SLC9B2: variants seen among roughly 807,000 people sequenced by gnomAD.
The protein encoded by SLC9B2 is solute carrier family 9 member B2.
Under a neutral mutation model 52.2 loss-of-function variants are expected in SLC9B2, and 39 were observed. That is an observed-to-expected ratio of 0.75 (90% CI 0.58 to 0.98). The LOEUF is 0.98. Ranked by LOEUF, SLC9B2 falls within the 50% of genes least tolerant of loss-of-function variation. The pLI is 0.00. For missense variants in SLC9B2, 626 were observed against 637.5 expected, an observed-to-expected ratio of 0.98 and a Z score of 0.19; for synonymous variants, 214 against 227.0, an observed-to-expected ratio of 0.94 and a Z score of 0.51.
At chr4:103,042,249 A>C (rs1287691554) in intron 9 of SLC9B2, 1 of 152,126 alleles carries the variant, frequency 6.6e-6, no homozygotes, top group Non-Finnish European at 1.5e-5. Flanking sequence ...TTAATTATTT[A>C]AGTTTAATTA....
chr4:103,073,629 G>A lies in SLC9B2; in HGVS notation c.-43+2555C>T, dbSNP rs116227167. On this transcript the variant is annotated intron_variant, in intron 1 of 11. Transcript: ENST00000394785. ...AAGGAAAACAACCGCTATTTTATTT[G>A]GTTAATTGATTTAGTAATTTCATTG... Among the ~76,000 whole-genome samples, 45 of 152,166 alleles carry A rather than the reference G, an allele frequency of 3.0e-4. No homozygotes were observed. In the South Asian group the frequency reaches 9.3e-3, roughly 32 times the overall value.
downstream of SLC9B2, chr4:103,020,430 A>T (rs1560536324): frequency 2.4e-6 from 1 of 408,584 alleles, no homozygotes; most frequent in Admixed American, 3.4e-5. Context: ...GAAAGTGTAA[A>T]CTTCTTAGAA....
chr4:103,029,591 C>A (rs887582734), intron 10 of SLC9B2, among the ~76,000 whole-genome samples: 4 of 152,116 alleles, frequency 2.6e-5, no homozygotes, highest in Non-Finnish European at 5.9e-5. Context: ...ACATACACAG[C>A]TACTCCATTT....
In SLC9B2 at chr4:103,067,572, C is replaced by T. The variant is rs376700912; in HGVS notation, c.-22G>A. The stretch of plus-strand genomic sequence containing the variant: ...CCATTATTTATAATTAAGAAGATGA[C>T]ACAGGGAAGAGGAACGAGATCTGTT... On this transcript the variant is annotated 5_prime_UTR_variant, in exon 2 of 12. Transcript: ENST00000394785. 7.5e-5 allele frequency: 116 copies of T among 1,548,710 alleles called. No homozygotes were observed. The highest frequency in any genetic ancestry group is 9.6e-5 in the Non-Finnish European group (108 of 1,121,736).
chr4:103,049,092 C>G (rs944354009), intron 5 of SLC9B2, 72 bp from the exon 6 acceptor site: 1 of 1,558,180 alleles, frequency 6.4e-7, no homozygotes, highest in Non-Finnish European at 8.7e-7. Context: ...TGAATGCTTT[C>G]TCTTCAGTAT....
chr4:103,074,745 C>T (rs2110679461), intron 1 of SLC9B2, among the ~76,000 whole-genome samples: 1 of 152,226 alleles, frequency 6.6e-6, no homozygotes, highest in South Asian at 2.1e-4. Context: ...TGGTTGTTTT[C>T]CAAATTTCCA....
Position 103,036,953 on chromosome 4 carries a change from G to A in SLC9B2, c.1147-5145C>T, listed in dbSNP as rs187867854. 3.3e-5 allele frequency among the ~76,000 whole-genome samples: 5 copies of A among 151,904 alleles called. No homozygotes were observed. In the East Asian group the frequency reaches 9.7e-4, roughly 29 times the overall value. On this transcript the variant is annotated intron_variant, in intron 9 of 11. Transcript: ENST00000394785. ...AAATAATGTCGTTTCTTTCAATGTT[G>A]TTTCCTTCCAACAATGAAAAAAAAA...
intron 4 of SLC9B2, among the ~76,000 whole-genome samples, chr4:103,052,711 G>C (rs1331415011): frequency 6.6e-6 from 1 of 151,624 alleles, no homozygotes; most frequent in African/African-American, 2.4e-5. Context: ...GGATATGAGG[G>C]GACATTTTTT....
chr4:103,068,835 T>C (rs1053088906), intron 1 of SLC9B2, among the ~76,000 whole-genome samples: 8 of 152,180 alleles, frequency 5.3e-5, no homozygotes, highest in African/African-American at 1.9e-4. Flanking sequence ...CCAGGCACTA[T>C]GCTAGACATA....
intron 10 of SLC9B2, 87 bp from the exon 11 acceptor site, chr4:103,028,970 C>T: frequency 8.8e-7 from 1 of 1,138,242 alleles, no homozygotes; most frequent in Non-Finnish European, 1.2e-6. Context: ...TAACCATCAA[C>T]AGAAATAATT....
At chr4:103,072,918 C>G (rs78054426) in intron 1 of SLC9B2, among the ~76,000 whole-genome samples, 2,267 of 152,180 alleles carry the variant, frequency 0.015, 58 homozygotes, top group African/African-American at 0.052. Flanking sequence ...AGCACTCAAC[C>G]CTCATGAATG....
intron 9 of SLC9B2, among the ~76,000 whole-genome samples, chr4:103,037,735 C>T (rs934825005): frequency 6.6e-6 from 1 of 152,204 alleles, no homozygotes; most frequent in Admixed American, 6.5e-5. Context: ...TATTAGATAA[C>T]ATCTAAGATC....
chr4:103,043,524 TTTA>T, intron 8 of SLC9B2, 79 bp from the exon 9 acceptor site: 1 of 1,302,520 alleles, frequency 7.7e-7, no homozygotes, highest in Non-Finnish European at 1.1e-6. Flanking sequence ...ATATCTAGGA[TTTA>T]GAAAGAAAAT....
chr4:103,038,792 A>G (rs1743387838), intron 9 of SLC9B2, among the ~76,000 whole-genome samples: 2 of 152,188 alleles, frequency 1.3e-5, no homozygotes, highest in African/African-American at 2.4e-5. Flanking sequence ...AAAAATCTGT[A>G]AAAGTCATTA....
chr4:103,021,240 C>T (rs1741772057), downstream of SLC9B2, among the ~76,000 whole-genome samples: 2 of 152,080 alleles, frequency 1.3e-5, no homozygotes, highest in African/African-American at 2.4e-5. Context: ...GCTTTAGGGT[C>T]CATGTAAGGA....
rs1429680980 is a variant in SLC9B2 at position 103,076,246 on chromosome 4, G to C, written c.-105C>G. The C allele has an allele frequency of 6.6e-6, 1 of 152,650 alleles. No individual in the cohort carries two copies. The highest frequency in any genetic ancestry group is 2.4e-5 in the African/African-American group (1 of 41,484). The allele number at this position is 152,650 out of a possible 1,614,324, so 9.5% of individuals were successfully genotyped here. A position where few individuals can be genotyped will look rare whatever the true frequency, so the allele number is the denominator to read the frequency against. Reference sequence around the variant, plus strand: ...AACGATTAGGAAAGGGGCTGTGGGGGAGGCGGCGGAGCCCGGTCTAGCCAC... The same window carrying C: ...AACGATTAGGAAAGGGGCTGTGGGGCAGGCGGCGGAGCCCGGTCTAGCCAC... On this transcript the variant is annotated 5_prime_UTR_variant, in exon 1 of 12. Transcript: ENST00000394785.
At chr4:103,049,480 A>T (rs1442209654) in intron 5 of SLC9B2, among the ~76,000 whole-genome samples, 1 of 152,214 alleles carries the variant, frequency 6.6e-6, no homozygotes, top group African/African-American at 2.4e-5. Context: ...ATTCAAAAAC[A>T]TACATGAAAA....
intron 9 of SLC9B2, among the ~76,000 whole-genome samples, chr4:103,034,531 GAAAATATCTGC>G (rs974260300): frequency 4.6e-5 from 7 of 151,954 alleles, no homozygotes; most frequent in Non-Finnish European, 8.8e-5. Flanking sequence ...TAGAACAGGA[GAAAATATCTGC>G]AAACCATGCA....
intron 5 of SLC9B2, 36 bp from the exon 6 acceptor site, chr4:103,049,056 CTG>C (rs1380853196): frequency 1.8e-5 from 29 of 1,605,960 alleles, no homozygotes; most frequent in Non-Finnish European, 2.4e-5. Context: ...ATATAATCCT[CTG>C]AAGATGTGCA....
Sources: gnomAD v4.1 joint callset for allele counts (sites outside exome capture counted in the v4.1 genomes callset) on GRCh38, gnomAD v4.1.1 for gene constraint, MANE v1.5 for transcripts, NCBI Gene and HGNC (gene_info 2026-07-23, HGNC 2026-07-21) for gene names.